COL4A1: variants seen among roughly 807,000 people sequenced by gnomAD.
COL4A1 encodes collagen alpha-1(IV) chain.
In COL4A1, 40 loss-of-function variants were observed where a neutral mutation model predicts 216.6. The ratio of observed to expected loss-of-function variants is 0.18; its 90% confidence interval spans 0.14 to 0.24. COL4A1 has a LOEUF of 0.24. Among genes scored for constraint, COL4A1 ranks in the 10% least tolerant of loss-of-function variants. The pLI, the probability that COL4A1 is intolerant of heterozygous loss-of-function variation, is 1.00. For missense variants in COL4A1, 1,628 were observed against 2,196.8 expected (o/e 0.74, Z 5.18); for synonymous variants, 839 against 810.7 (o/e 1.03, Z -0.59).
At chr13:110,212,992 T>C (rs1345544118) in intron 4 of COL4A1, among the ~76,000 whole-genome samples, 4 of 152,200 alleles carry the variant, frequency 2.6e-5, no homozygotes, top group Non-Finnish European at 5.9e-5. Context: ...CTAGAGGCCA[T>C]TATTCTAAGT....
intron 50 of COL4A1, among the ~76,000 whole-genome samples, chr13:110,155,030 G>A (rs751205098): frequency 1.3e-5 from 2 of 152,266 alleles, no homozygotes; most frequent in African/African-American, 2.4e-5. Flanking sequence ...TGCATTTCCA[G>A]GAAGATGCTC....
chr13:110,292,392 G>C (rs1487671939), intron 1 of COL4A1, among the ~76,000 whole-genome samples: 2 of 152,204 alleles, frequency 1.3e-5, no homozygotes, highest in Admixed American at 6.5e-5. Context: ...CTGTGGTCTA[G>C]ACTGGACTAT....
intron 1 of COL4A1, among the ~76,000 whole-genome samples, chr13:110,269,890 A>G (rs1400405659): frequency 2.6e-5 from 4 of 152,130 alleles, no homozygotes; most frequent in Non-Finnish European, 5.9e-5. Context: ...GAAGCCTCAC[A>G]TACAGGGTGA....
chr13:110,175,368 A>G lies in COL4A1; in HGVS notation c.3059-11T>C. The G allele has an allele frequency of 6.2e-7, 1 of 1,614,130 alleles. No individual in the cohort carries two copies. Among genetic ancestry groups the G allele is most frequent in the Non-Finnish European group, 8.5e-7 (1 of 1,180,008 alleles). ...TCTCTCCAGGTGTTCCTATAAACACAAACAATTGAAACTTGATTTGGGCTT... is the reference window on the plus strand; with the variant it reads ...TCTCTCCAGGTGTTCCTATAAACACGAACAATTGAAACTTGATTTGGGCTT... On this transcript the variant is annotated splice_polypyrimidine_tract_variant and intron_variant, in intron 36 of 51. Coordinates refer to ENST00000375820, the MANE Select transcript of COL4A1 (RefSeq NM_001845.6).
intron 33 of COL4A1, among the ~76,000 whole-genome samples, 171 bp from the exon 34 acceptor site, chr13:110,177,208 C>T (rs1352621829): frequency 6.6e-6 from 1 of 152,188 alleles, no homozygotes; most frequent in African/African-American, 2.4e-5. Flanking sequence ...AGAATCCAAC[C>T]CCAGGTAAAT....
chr13:110,187,275 C>G lies in COL4A1; in HGVS notation c.1591G>C (p.Gly531Arg). ...IGQPGAKGEP[G>R]EFYFDLRLKG... Reference sequence around the variant, plus strand: ...AGCCGCAAGTCGAAATAAAACTCACCAGGCTCCCCCTTGGCTCCTGGCTGG... The same window carrying G: ...AGCCGCAAGTCGAAATAAAACTCACGAGGCTCCCCCTTGGCTCCTGGCTGG... The change falls in exon 25 of 52, where the codon GGT becomes CGT. Residue 531 changes from glycine to arginine, a missense_variant. Gly to Arg is a moderately radical substitution (Grantham distance 125). Around this residue, in one of 8 missense-constraint regions of COL4A1, gnomAD observed 701 missense variants for 892.5 expected, o/e 0.79. Transcript: ENST00000375820. 1.1e-5 allele frequency: 17 copies of G among 1,613,512 alleles called. No homozygotes were observed. Among genetic ancestry groups the G allele is most frequent in the Non-Finnish European group, 1.4e-5 (17 of 1,179,894 alleles).
At chr13:110,231,181 C>T (rs931722366) in intron 2 of COL4A1, among the ~76,000 whole-genome samples, 46 of 152,298 alleles carry the variant, frequency 3.0e-4, no homozygotes, top group African/African-American at 1.0e-3. Context: ...CAGGACATAT[C>T]GATGAGACTG....
intron 29 of COL4A1, among the ~76,000 whole-genome samples, chr13:110,180,191 T>A (rs1050492919): frequency 6.6e-6 from 1 of 152,226 alleles, no homozygotes; most frequent in African/African-American, 2.4e-5. Flanking sequence ...ATGGTATTTT[T>A]AATCATAAAT....
At chr13:110,164,832 T>A (rs769703509) in intron 46 of COL4A1, 30 bp downstream of exon 46, 1 of 1,612,220 alleles carries the variant, frequency 6.2e-7, no homozygotes, top group Non-Finnish European at 8.5e-7. Context: ...GGGCTCCCCA[T>A]ACCGCCCTGC....
chr13:110,177,036 C>T lies in COL4A1; in HGVS notation c.2718G>A (p.Gly906=). ...VGAPGLPGEK[G]DHGFPGSSGP... ...CTGAGGAGCCCGGAAAGCCATGGTC[C>T]CCTGCAGAGGAAAGAGAAGGCACTG... The change falls in exon 34 of 52, where the codon GGG becomes GGA. Residue 906 remains glycine, a splice_region_variant and synonymous_variant. Transcript: ENST00000375820. 1 of 1,613,878 alleles carries T rather than the reference C, an allele frequency of 6.2e-7. No individual in the cohort carries two copies. The highest frequency in any genetic ancestry group is 8.5e-7 in the Non-Finnish European group (1 of 1,180,024).
chr13:110,215,488 G>C (rs949758431), intron 2 of COL4A1, among the ~76,000 whole-genome samples: 2 of 151,206 alleles, frequency 1.3e-5, no homozygotes, highest in Admixed American at 1.3e-4. Context: ...TTGAACCTGG[G>C]AGGCAGAGGT....
intron 1 of COL4A1, among the ~76,000 whole-genome samples, chr13:110,249,292 G>A (rs745618504): frequency 2.0e-5 from 3 of 152,010 alleles, no homozygotes; most frequent in Non-Finnish European, 2.9e-5. Context: ...AAAACTCATC[G>A]AGCTGTGCAC....
intron 2 of COL4A1, among the ~76,000 whole-genome samples, chr13:110,219,692 A>ATATACATGTGTATATATATGTGTG: frequency 1.1e-5 from 1 of 93,984 alleles, no homozygotes; most frequent in African/African-American, 3.5e-5. Context: ...ATATATATGT[A>ATATACATGTGTATATATATGTGTG]TATATATGTA....
chr13:110,186,331 G>C, intron 26 of COL4A1, 54 bp downstream of exon 26: 1 of 1,608,600 alleles, frequency 6.2e-7, no homozygotes. Context: ...CGAGGTGCCT[G>C]CCCTAACCTC....
Position 110,205,420 on chromosome 13 carries a change from G to A in COL4A1, c.904-14C>T, listed in dbSNP as rs370532499. On this transcript the variant is annotated splice_polypyrimidine_tract_variant and intron_variant, in intron 16 of 51. Coordinates refer to ENST00000375820, the MANE Select transcript of COL4A1 (RefSeq NM_001845.6). Reference sequence around the variant, plus strand: ...ACCAGGAAAACCCTGAAACCGAAGAGAGAAGCAGTAACCGTCAGAGGCCAG... The same window carrying A: ...ACCAGGAAAACCCTGAAACCGAAGAAAGAAGCAGTAACCGTCAGAGGCCAG... The A allele has an allele frequency of 1.2e-6, 2 of 1,613,620 alleles. No homozygotes were observed. The highest frequency in any genetic ancestry group is 1.7e-6 in the Non-Finnish European group (2 of 1,180,046).
chr13:110,162,458 C>A lies in COL4A1; in HGVS notation c.4250-16G>T, dbSNP rs1235130058. 8 of 1,591,140 alleles carry A rather than the reference C, an allele frequency of 5.0e-6. No individual in the cohort carries two copies. Among genetic ancestry groups the A allele is most frequent in the Non-Finnish European group, 5.2e-6 (6 of 1,159,658 alleles). ...CCTCTTGGACCTGGAAGATAGGAGA[C>A]AAATTAGTTTCCCTAATTACAAACA... On this transcript the variant is annotated splice_polypyrimidine_tract_variant and intron_variant, in intron 47 of 51. Coordinates refer to ENST00000375820, the MANE Select transcript of COL4A1 (RefSeq NM_001845.6).
chr13:110,228,468 G>A (rs1342163477), intron 2 of COL4A1, among the ~76,000 whole-genome samples: 4 of 152,190 alleles, frequency 2.6e-5, no homozygotes, highest in Admixed American at 2.6e-4. Context: ...CCCTCCAAGT[G>A]GCAGGGAGAA....
rs559187520 is a variant in COL4A1 at position 110,187,788 on chromosome 13, C to T, written c.1537-459G>A. On this transcript the variant is annotated intron_variant, in intron 24 of 51. Coordinates refer to ENST00000375820, the MANE Select transcript of COL4A1 (RefSeq NM_001845.6). ...TGCTGCCTCAGCCCCACCGGCAGCACGCAGAAGCCTTTTCTCCAGCTTCTG... is the reference window on the plus strand; with the variant it reads ...TGCTGCCTCAGCCCCACCGGCAGCATGCAGAAGCCTTTTCTCCAGCTTCTG... 1.1e-4 allele frequency among the ~76,000 whole-genome samples: 16 copies of T among 152,318 alleles called. No individual in the cohort carries two copies. The South Asian group carries it at 1.7e-3, about 16-fold the overall frequency.
chr13:110,279,556 A>G (rs1477617265), intron 1 of COL4A1, among the ~76,000 whole-genome samples: 1 of 152,182 alleles, frequency 6.6e-6, no homozygotes, highest in Non-Finnish European at 1.5e-5. Context: ...GGGGGGCTGG[A>G]GGACCACACA....
Sources: allele counts gnomAD v4.1 joint callset (sites outside exome capture counted in the v4.1 genomes callset), GRCh38; gene constraint gnomAD v4.1.1; regional missense constraint gnomAD v4.1.1; transcripts MANE v1.5; gene names NCBI Gene and HGNC (gene_info 2026-07-23, HGNC 2026-07-21).